Variants in PPP1R12A observed in about 807,000 individuals in gnomAD.
PPP1R12A encodes the protein myosin binding subunit.
Under a neutral mutation model 139.6 loss-of-function variants are expected in PPP1R12A, and 19 were observed. The ratio of observed to expected loss-of-function variants is 0.14; its 90% CI spans 0.09 to 0.20. The LOEUF is 0.20. Ranked by LOEUF, PPP1R12A falls within the 10% of genes least tolerant of loss-of-function variation. The pLI, the probability that PPP1R12A is intolerant of heterozygous loss-of-function variation, is 1.00. For synonymous variants in PPP1R12A, 427 were observed against 420.6 expected (o/e 1.02, Z -0.19); for missense variants, 925 against 1,211.5 (o/e 0.76, Z 3.51).
rs1041906863 is a variant in PPP1R12A at position 79,828,152 on chromosome 12, A to C, written c.792+168T>G. On this transcript the variant is annotated intron_variant, in intron 5 of 24. Coordinates refer to ENST00000450142, the MANE Select transcript of PPP1R12A (RefSeq NM_002480.3). ...CCTCATACGGTAGCTGAAAAGACTTAAACCATTAATTAGTAAGTCAGTTGG... is the reference window on the plus strand; with the variant it reads ...CCTCATACGGTAGCTGAAAAGACTTCAACCATTAATTAGTAAGTCAGTTGG... The C allele has an allele frequency of 3.9e-5, 21 of 535,670 alleles. No homozygotes were observed. In the African/African-American group the frequency reaches 3.9e-4, roughly 10 times the overall value. 33.2% of individuals were successfully genotyped at this position (535,670 alleles called of 1,614,324 possible).
At chr12:79,889,314 G>A (rs1884383362) in intron 1 of PPP1R12A, among the ~76,000 whole-genome samples, 4 of 152,168 alleles carry the variant, frequency 2.6e-5, no homozygotes, top group Admixed American at 2.6e-4. Flanking sequence ...GTCACAGCAA[G>A]GAATGGCCTA....
intron 2 of PPP1R12A, among the ~76,000 whole-genome samples, chr12:79,845,900 TA>T (rs2137214297): frequency 6.6e-6 from 1 of 152,390 alleles, no homozygotes; most frequent in East Asian, 1.9e-4. Context: ...ACAAAAATGT[TA>T]ATTTTTAATA....
At chr12:79,837,769 G>A (rs374211616) in intron 3 of PPP1R12A, among the ~76,000 whole-genome samples, 62 of 152,210 alleles carry the variant, frequency 4.1e-4, no homozygotes, top group Admixed American at 1.9e-3. Flanking sequence ...GAAGAAGGAC[G>A]TGTTTGCTTC....
intron 1 of PPP1R12A, among the ~76,000 whole-genome samples, chr12:79,882,285 T>C (rs1318728923): frequency 6.6e-6 from 1 of 152,208 alleles, no homozygotes; most frequent in Non-Finnish European, 1.5e-5. Context: ...CTACATGCTA[T>C]TAAGAACATT....
intron 1 of PPP1R12A, among the ~76,000 whole-genome samples, chr12:79,893,729 T>C (rs1884876156): frequency 6.6e-6 from 1 of 152,246 alleles, no homozygotes; most frequent in Admixed American, 6.5e-5. Context: ...ACTTTCCTTT[T>C]TCCTACATGA....
At chr12:79,847,536 G>A (rs1050878773) in intron 2 of PPP1R12A, among the ~76,000 whole-genome samples, 6 of 151,908 alleles carry the variant, frequency 3.9e-5, no homozygotes, top group Non-Finnish European at 5.9e-5. Context: ...TATTTCAAAC[G>A]TATTCATTAA....
chr12:79,850,805 G>A (rs1010106007), intron 2 of PPP1R12A, among the ~76,000 whole-genome samples: 6 of 152,046 alleles, frequency 3.9e-5, no homozygotes, highest in Non-Finnish European at 8.8e-5. Context: ...ATGGCTGTTT[G>A]AAAGTGTGGA....
chr12:79,797,726 T>C (rs997716792), intron 15 of PPP1R12A, among the ~76,000 whole-genome samples: 2 of 152,172 alleles, frequency 1.3e-5, no homozygotes, highest in African/African-American at 4.8e-5. Flanking sequence ...TGTGTATATG[T>C]ATCTATATAC....
intron 1 of PPP1R12A, among the ~76,000 whole-genome samples, chr12:79,877,520 ATTCT>A (rs1184337683): frequency 6.6e-6 from 1 of 152,058 alleles, no homozygotes; most frequent in African/African-American, 2.4e-5. Flanking sequence ...TACTGATTAA[ATTCT>A]TTCTCTTTTC....
At chr12:79,886,512 C>G (rs550160986) in intron 1 of PPP1R12A, among the ~76,000 whole-genome samples, 12 of 152,012 alleles carry the variant, frequency 7.9e-5, no homozygotes, top group Admixed American at 2.0e-4. Flanking sequence ...ACAAGAAATC[C>G]AAAACATACA....
chr12:79,928,677 A>T (rs1207384098), intron 1 of PPP1R12A, among the ~76,000 whole-genome samples: 2 of 152,236 alleles, frequency 1.3e-5, no homozygotes. Context: ...ACAGTTACAA[A>T]CTATAAACTC....
Position 79,783,271 on chromosome 12 carries a change from A to C in PPP1R12A, c.2908-1409T>G, listed in dbSNP as rs986070161. Among the ~76,000 whole-genome samples, 3 of 148,768 alleles carry C rather than the reference A, an allele frequency of 2.0e-5. No individual in the cohort carries two copies. In the Admixed American group the frequency reaches 2.0e-4, roughly 10 times the overall value. The stretch of plus-strand genomic sequence containing the variant: ...CCAGGAGTTCAAGACCAGCCTGGGC[A>C]ACACGGTGAAACCCCGTCTCTACCA... On this transcript the variant is annotated intron_variant, in intron 22 of 24. Transcript: ENST00000450142.
chr12:79,872,764 G>T, intron 2 of PPP1R12A, 44 bp downstream of exon 2: 2 of 1,590,292 alleles, frequency 1.3e-6, no homozygotes, highest in Non-Finnish European at 1.7e-6. Context: ...ATTCAGGTCT[G>T]TCAAACAGTA....
At chr12:79,914,319 T>C (rs773081065) in intron 1 of PPP1R12A, among the ~76,000 whole-genome samples, 6 of 152,012 alleles carry the variant, frequency 3.9e-5, no homozygotes, top group Non-Finnish European at 7.4e-5. Context: ...GTCTAGTTTC[T>C]AATGGTAAAA....
upstream of PPP1R12A, chr12:79,935,248 G>C: frequency 8.6e-7 from 1 of 1,163,942 alleles, no homozygotes; most frequent in Non-Finnish European, 1.1e-6. Context: ...ATGCGCCCTG[G>C]GCCTGTGCCC....
At chr12:79,790,727 G>A (rs1435044876) in intron 19 of PPP1R12A, among the ~76,000 whole-genome samples, 1 of 152,176 alleles carries the variant, frequency 6.6e-6, no homozygotes, top group African/African-American at 2.4e-5. Context: ...CAAGTGGTAT[G>A]CTACACTGAA....
intron 2 of PPP1R12A, among the ~76,000 whole-genome samples, chr12:79,857,125 A>T (rs543781322): frequency 6.6e-6 from 1 of 152,214 alleles, no homozygotes; most frequent in Non-Finnish European, 1.5e-5. Flanking sequence ...ATAAAGACAC[A>T]TGCACACGTA....
At chr12:79,797,728 T>C (rs959548621) in intron 15 of PPP1R12A, among the ~76,000 whole-genome samples, 4 of 152,168 alleles carry the variant, frequency 2.6e-5, no homozygotes, top group Admixed American at 2.6e-4. Flanking sequence ...TGTATATGTA[T>C]CTATATACAC....
intron 14 of PPP1R12A, among the ~76,000 whole-genome samples, chr12:79,803,209 T>C (rs905638541): frequency 6.6e-6 from 1 of 152,248 alleles, no homozygotes; most frequent in Non-Finnish European, 1.5e-5. Context: ...ATTTCCTTTA[T>C]TTGATAATTA....
Sources: allele counts gnomAD v4.1 joint callset (sites outside exome capture counted in the v4.1 genomes callset), GRCh38; gene constraint gnomAD v4.1.1; transcripts MANE v1.5; gene names NCBI Gene and HGNC (gene_info 2026-07-23, HGNC 2026-07-21).